Variants in DNAH1 observed in about 807,000 individuals in gnomAD.
DNAH1 encodes axonemal beta dynein heavy chain 1.
Under a neutral mutation model 484.3 loss-of-function variants are expected in DNAH1, and 327 were observed. That is an observed-to-expected ratio of 0.68 (90% CI 0.62 to 0.74). DNAH1 has a LOEUF of 0.74. Among genes scored for constraint, DNAH1 ranks in the 30% least tolerant of loss-of-function variants. The probability of loss-of-function intolerance (pLI) is 0.00; values close to 1 mark genes in which losing one functional copy is unlikely to be tolerated. For synonymous variants in DNAH1, 2,192 were observed against 2,191.9 expected (o/e 1.00, Z 0.00); for missense variants, 5,052 against 5,546.8 (o/e 0.91, Z 2.83).
Position 52,353,946 on chromosome 3 carries a change from AC to A in DNAH1, c.3480+314del, listed in dbSNP as rs1702503261. 2.9e-6 allele frequency: 1 copy of A among 339,692 alleles called. No homozygotes were observed. The highest frequency in any genetic ancestry group is 5.6e-6 in the Non-Finnish European group (1 of 179,246). 21.0% of individuals were successfully genotyped at this position (339,692 alleles called of 1,614,324 possible). On this transcript the variant is annotated intron_variant, in intron 20 of 77. Coordinates refer to ENST00000420323, the MANE Select transcript of DNAH1 (RefSeq NM_015512.5). This position sits in a 1 kb window ranked among gnomAD's most constrained non-coding sequence, Gnocchi z 5.0. ...GTGACACATGCCTGTAAATCCCAGC[AC>A]TTTGGGAGGATGAGGAGGAAGGATC...
In DNAH1 at chr3:52,341,530, CTT is replaced by C. The variant is rs55645528; in HGVS notation, c.1287-2937_1287-2936del. ...CCAGAACAAGAGGGCTTGACTTTGA[CTT>C]TTTTTTTTTTTTTTTTTTTTTTGAG... On this transcript the variant is annotated intron_variant, in intron 8 of 77. Coordinates refer to ENST00000420323, the MANE Select transcript of DNAH1 (RefSeq NM_015512.5). 4.1e-3 allele frequency among the ~76,000 whole-genome samples: 419 copies of C among 101,166 alleles called. 3 individuals carry two copies. Among genetic ancestry groups the C allele is most frequent in the African/African-American group, 0.016 (388 of 23,900 alleles). The allele number at this position is 101,166 out of a possible 152,430, so 66.4% of individuals were successfully genotyped here. A position where few individuals can be genotyped will look rare whatever the true frequency, so the allele number is the denominator to read the frequency against.
In DNAH1 at chr3:52,392,983, C is replaced by T. The variant is rs1047065809; in HGVS notation, c.10432C>T (p.Leu3478Phe). Residue 3478 changes from leucine to phenylalanine, a missense_variant, in exon 65 of 78, where the codon CTC becomes TTC. Transcript: ENST00000420323. Reference protein sequence around the residue: ...PMYQYSLEWFLNIFLSGIANS... With the variant: ...PMYQYSLEWFFNIFLSGIANS... The stretch of plus-strand genomic sequence containing the variant: ...GTACCAGTACTCCCTTGAGTGGTTT[C>T]TCAACATCTTCCTCTCGGGCATCGC... 8 of 1,613,638 alleles carry T rather than the reference C, an allele frequency of 5.0e-6. No individual in the cohort carries two copies. Among genetic ancestry groups the T allele is most frequent in the Admixed American group, 1.7e-5 (1 of 59,996 alleles).
chr3:52,326,402 A>G, intron 4 of DNAH1, 88 bp downstream of exon 4: 1 of 1,446,034 alleles, frequency 6.9e-7, no homozygotes, highest in East Asian at 2.4e-5. Context: ...ACCAGGTGAT[A>G]ATCCTCATGG....
At chr3:52,374,519 T>C in intron 44 of DNAH1, 1 of 1,484,488 alleles carries the variant, frequency 6.7e-7, no homozygotes, top group Non-Finnish European at 9.4e-7. Context: ...CATCAGAATT[T>C]GTGAAGACCA....
rs776287556 is a variant in DNAH1 at position 52,349,355 on chromosome 3, C to T, written c.2461C>T (p.Arg821Cys). Residue 821 changes from arginine to cysteine, a missense_variant, in exon 14 of 78, where the codon CGC (arginine) becomes TGC (cysteine). Physicochemically the swap from Arg to Cys is radical, Grantham distance 180 (BLOSUM62 -3). This residue lies in a region of DNAH1 where 1,263 missense variants were observed against 1,218.8 expected (regional missense o/e 1.04). Transcript: ENST00000420323. Reference protein sequence around the residue: ...DNVKQSLSKKRKALATSVLDI... With the variant: ...DNVKQSLSKKCKALATSVLDI... ...TGTCAAGCAGAGCCTGTCCAAGAAA[C>T]GCAAGGCCCTGGCCACTTCCGTGCT... 5.6e-6 allele frequency: 9 copies of T among 1,613,902 alleles called. No individual in the cohort carries two copies. The highest frequency in any genetic ancestry group is 5.3e-5 in the African/African-American group (4 of 74,938).
At chr3:52,326,554 C>T (rs1415791364) in intron 4 of DNAH1, among the ~76,000 whole-genome samples, 181 bp from the exon 5 acceptor site, 1 of 152,080 alleles carries the variant, frequency 6.6e-6, no homozygotes, top group Non-Finnish European at 1.5e-5. Context: ...GCAGTTGGAG[C>T]CCAGGACACC....
chr3:52,352,743 C>T (rs1483391718), intron 18 of DNAH1, 36 bp downstream of exon 18: 1 of 1,592,320 alleles, frequency 6.3e-7, no homozygotes. Context: ...CCCATGCCCC[C>T]AGGCTTGAGG....
chr3:52,393,143 A>G, intron 65 of DNAH1, 118 bp downstream of exon 65: 1 of 1,426,142 alleles, frequency 7.0e-7, no homozygotes, highest in Non-Finnish European at 9.7e-7. Flanking sequence ...CTCCTCTTAG[A>G]CTCACAATAC....
At chr3:52,389,958 A>G (rs1704299920) in intron 60 of DNAH1, among the ~76,000 whole-genome samples, 1 of 152,196 alleles carries the variant, frequency 6.6e-6, no homozygotes, top group Non-Finnish European at 1.5e-5. Context: ...CTAAAACTAC[A>G]AAAATTAGCC....
In DNAH1 at chr3:52,384,959, G is replaced by T. The variant is rs1360625532; in HGVS notation, c.8496G>T (p.Met2832Ile). Residue 2832 changes from methionine to isoleucine, a missense_variant, in exon 53 of 78, where the codon ATG (methionine) becomes ATT (isoleucine). Transcript: ENST00000420323. Reference sequence around the variant, plus strand: ...AGCTGAAAACTGCCAAGAACCGCATGAAGAGCGGCCTCGACAAGGTGGGCC... The same window carrying T: ...AGCTGAAAACTGCCAAGAACCGCATTAAGAGCGGCCTCGACAAGGTGGGCC... ...KLELKTAKNR[M>I]KSGLDKLLRT... is the part of the protein sequence containing the mutation. 1 of 1,613,324 alleles carries T rather than the reference G, an allele frequency of 6.2e-7. No homozygotes were observed. The highest frequency in any genetic ancestry group is 1.1e-5 in the South Asian group (1 of 90,962).
chr3:52,327,962 G>A lies in DNAH1; in HGVS notation c.819G>A (p.Arg273=), dbSNP rs1232011502. ...GCTTGGAGCCAGGGTCTCTGGACAG[G>A]AAACCTGTCCCGGGAAAAGCCCTCT... ...NMGLEPGSLD[R]KPVPGKALLP... Residue 273 remains arginine (R), a synonymous_variant, in exon 6 of 78, where the codon AGG becomes AGA. Transcript: ENST00000420323. 3 of 1,613,972 alleles carry A rather than the reference G, an allele frequency of 1.9e-6. No homozygotes were observed. In the South Asian group the frequency reaches 3.3e-5, roughly 18 times the overall value.
intron 8 of DNAH1, among the ~76,000 whole-genome samples, chr3:52,336,910 G>T (rs1450474729): frequency 6.6e-6 from 1 of 152,092 alleles, no homozygotes; most frequent in South Asian, 2.1e-4. Flanking sequence ...TTGGCTATGC[G>T]GGCTCTTTTT....
rs1007563219 is a variant in DNAH1 at position 52,355,228 on chromosome 3, A to G, written c.3693+173A>G. ...GCCCTACTGCATTCAGAGGAGGGCA[A>G]CTAGGATGGGCTCTCCATCCATGAG... On this transcript the variant is annotated intron_variant, in intron 21 of 77. Coordinates refer to ENST00000420323, the MANE Select transcript of DNAH1 (RefSeq NM_015512.5). This position sits in a 1 kb window ranked among gnomAD's most constrained non-coding sequence, Gnocchi z 4.5. Among the ~76,000 whole-genome samples, 6 of 152,172 alleles carry G rather than the reference A, an allele frequency of 3.9e-5. No homozygotes were observed. The highest frequency in any genetic ancestry group is 1.4e-4 in the African/African-American group (6 of 41,440).
In DNAH1 at chr3:52,397,700, C is replaced by A; in HGVS notation, c.11788-7C>A. The stretch of plus-strand genomic sequence containing the variant: ...AGGGGCTTCCATGTTGGCCTCCTCT[C>A]TCCTAGGGCTACCTCTCCTACATCA... On this transcript the variant is annotated splice_region_variant and splice_polypyrimidine_tract_variant and intron_variant, in intron 73 of 77. Coordinates refer to ENST00000420323, the MANE Select transcript of DNAH1 (RefSeq NM_015512.5). The A allele has an allele frequency of 6.3e-7, 1 of 1,598,340 alleles. No individual in the cohort carries two copies.
chr3:52,339,155 A>G (rs1053756918), intron 8 of DNAH1, among the ~76,000 whole-genome samples: 8 of 152,022 alleles, frequency 5.3e-5, no homozygotes, highest in African/African-American at 1.9e-4. Flanking sequence ...ATCTTTTTAT[A>G]TATTGCTGCT....
intron 7 of DNAH1, 107 bp downstream of exon 7, chr3:52,331,416 A>G: frequency 2.3e-6 from 3 of 1,326,672 alleles, no homozygotes; most frequent in South Asian, 1.5e-5. Flanking sequence ...TCTGAATTCT[A>G]CTTTTCTGTT....
At chr3:52,367,212 C>T (rs1020069762) in intron 36 of DNAH1, among the ~76,000 whole-genome samples, 1 of 152,194 alleles carries the variant, frequency 6.6e-6, no homozygotes, top group Non-Finnish European at 1.5e-5. Context: ...GCCCCTGCTC[C>T]CAGGCCGGGG....
Position 52,374,547 on chromosome 3 carries a change from C to T in DNAH1, c.6986-693C>T, listed in dbSNP as rs1391280613. The T allele has an allele frequency of 7.3e-6, 11 of 1,498,090 alleles. No individual in the cohort carries two copies. The African/African-American group carries it at 1.4e-4, about 19-fold the overall frequency. 92.8% of individuals were successfully genotyped at this position (1,498,090 alleles called of 1,614,324 possible). On this transcript the variant is annotated intron_variant, in intron 44 of 77. Coordinates refer to ENST00000420323, the MANE Select transcript of DNAH1 (RefSeq NM_015512.5). ...GAAGACCATGGAGCCCCTCTTCCGG[C>T]AGTTGGCCAAATGTGTCTCCAGCCC... is the stretch of plus-strand genomic sequence containing the variant.
At position 52,328,012 on chromosome 3, in the gene DNAH1, A is replaced by G; in HGVS notation, c.869A>G (p.His290Arg). Reference protein sequence around the residue: ...ALLPTDDFLGHEDPKSQKLKY... With the variant: ...ALLPTDDFLGREDPKSQKLKY... ...TTGCCCACTGATGACTTCCTGGGGC[A>G]TGGTGAGCAAGGCCACTCTGGAGTG... The change falls in exon 6 of 78, where the codon CAT (histidine) becomes CGT (arginine). Residue 290 changes from histidine to arginine, a missense_variant and splice_region_variant. By Grantham distance (29) the His-to-Arg change is conservative (BLOSUM62 0). Coordinates refer to ENST00000420323, the MANE Select transcript of DNAH1 (RefSeq NM_015512.5). 1 of 1,613,584 alleles carries G rather than the reference A, an allele frequency of 6.2e-7. No individual in the cohort carries two copies. The highest frequency in any genetic ancestry group is 8.5e-7 in the Non-Finnish European group (1 of 1,179,582).
Sources: allele counts gnomAD v4.1 joint callset (sites outside exome capture counted in the v4.1 genomes callset), GRCh38; gene constraint gnomAD v4.1.1; regional missense constraint gnomAD v4.1.1; non-coding constraint Gnocchi (gnomAD v3.1); transcripts MANE v1.5; gene names NCBI Gene and HGNC (gene_info 2026-07-23, HGNC 2026-07-21).